ACTB: variants seen among roughly 807,000 people sequenced by gnomAD.
ACTB encodes actin, cytoplasmic 1.
Under a neutral mutation model 30.5 loss-of-function variants are expected in ACTB, and 2 were observed. The ratio of observed to expected loss-of-function variants is 0.07; its 90% CI spans 0.03 to 0.21. The LOEUF (loss-of-function observed/expected upper bound fraction) is 0.21, where lower values mean the gene tolerates loss of function less well. Ranked by LOEUF, ACTB falls within the 10% of genes least tolerant of loss-of-function variation. The probability of loss-of-function intolerance (pLI) is 1.00; values close to 1 mark genes in which losing one functional copy is unlikely to be tolerated. For synonymous variants in ACTB, 335 were observed against 217.6 expected, an observed-to-expected ratio of 1.54 and a Z score of -4.75; for missense variants, 56 against 530.0, an observed-to-expected ratio of 0.11 and a Z score of 8.78.
At chr7:5,528,919 G>C (rs1055849290) in intron 3 of ACTB, 200 bp from the exon 4 acceptor site, 12 of 1,469,614 alleles carry the variant, frequency 8.2e-6, no homozygotes, top group East Asian at 4.9e-5. Context: ...CTTGTCACAC[G>C]AGCCAGTGTT....
rs574197447 is a variant in ACTB, at chr7:5,529,755, G to A, written c.-6-92C>T. ...AGTCCTTAGGCCGCCAGGGGGCGCC[G>A]GCGCGCGCCCAGATTGGGGACAAAG... On this transcript the variant is annotated intron_variant, in intron 1 of 5. Coordinates refer to ENST00000646664, the MANE Select transcript of ACTB (RefSeq NM_001101.5). 22 of 1,583,306 alleles carry A rather than the reference G, an allele frequency of 1.4e-5. No individual in the cohort carries two copies. In the East Asian group the frequency reaches 4.1e-4, roughly 29 times the overall value.
chr7:5,530,365 G>A (rs1291971781), intron 1 of ACTB, among the ~76,000 whole-genome samples, 159 bp downstream of exon 1: 1 of 152,122 alleles, frequency 6.6e-6, no homozygotes, highest in African/African-American at 2.4e-5. Flanking sequence ...CCCATCTCCG[G>A]AGGCCCAGGG....
At chr7:5,529,863 C>G (rs916599413) in intron 1 of ACTB, 200 bp from the exon 2 acceptor site, 27 of 895,714 alleles carry the variant, frequency 3.0e-5, no homozygotes, top group South Asian at 3.0e-4. Context: ...GAAGCCAGGC[C>G]CCAACCCCCT....
chr7:5,529,631 G>A lies in ACTB; in HGVS notation c.27C>T (p.Val9=), dbSNP rs1240714871. The change falls in exon 2 of 6, where the codon GTC becomes GTT. Residue 9 remains valine (V), a synonymous_variant. Transcript: ENST00000646664. ...TGCACATGCCGGAGCCGTTGTCGACGACGAGCGCGGCGATATCATCATCCA... is the reference window on the plus strand; with the variant it reads ...TGCACATGCCGGAGCCGTTGTCGACAACGAGCGCGGCGATATCATCATCCA... MDDDIAAL[V]VDNGSGMCKA... is the part of the protein sequence containing the mutation. 3.7e-6 allele frequency: 6 copies of A among 1,611,380 alleles called. No individual in the cohort carries two copies. Among genetic ancestry groups the A allele is most frequent in the Non-Finnish European group, 4.2e-6 (5 of 1,179,732 alleles).
chr7:5,528,088 A>G lies in ACTB; in HGVS notation c.900T>C (p.Ser300=), dbSNP rs13447406. The change falls in exon 5 of 6, where the codon TCT becomes TCC. Residue 300 remains serine, a synonymous_variant. Transcript: ENST00000646664. ...TGCCAGGGTACATGGTGGTGCCGCC[A>G]GACAGCACTGTGTTGGCGTACAGGT... ...RKDLYANTVL[S]GGTTMYPGIA... is the part of the protein sequence containing the mutation. The G allele has an allele frequency of 6.2e-7, 1 of 1,614,254 alleles. No individual in the cohort carries two copies. The highest frequency in any genetic ancestry group is 8.5e-7 in the Non-Finnish European group (1 of 1,180,048).
Position 5,529,640 on chromosome 7 carries a change from G to A in ACTB, c.18C>T (p.Ala6=), listed in dbSNP as rs1188078226. The part of the protein sequence containing the change: MDDDI[A]ALVVDNGSGM... Reference sequence around the variant, plus strand: ...CGGAGCCGTTGTCGACGACGAGCGCGGCGATATCATCATCCATGGTGAGCT... The same window carrying A: ...CGGAGCCGTTGTCGACGACGAGCGCAGCGATATCATCATCCATGGTGAGCT... Residue 6 remains alanine, a synonymous_variant, in exon 2 of 6, where the codon GCC becomes GCT. Transcript: ENST00000646664. 6.2e-6 allele frequency: 10 copies of A among 1,611,368 alleles called. No individual in the cohort carries two copies. The highest frequency in any genetic ancestry group is 8.5e-6 in the Non-Finnish European group (10 of 1,179,722).
At chr7:5,530,233 C>A (rs985190787) in intron 1 of ACTB, among the ~76,000 whole-genome samples, 2 of 151,964 alleles carry the variant, frequency 1.3e-5, no homozygotes, top group Non-Finnish European at 2.9e-5. Context: ...ACCCTGCGAT[C>A]CCCATTGGCA....
At chr7:5,528,955 T>TA (rs1784822909) in intron 3 of ACTB, 2 of 1,542,730 alleles carry the variant, frequency 1.3e-6, no homozygotes, top group Non-Finnish European at 1.8e-6. Flanking sequence ...AACACTGTCT[T>TA]AGACACCTAG....
chr7:5,530,012 C>T (rs1784854296), intron 1 of ACTB: 1 of 164,270 alleles, frequency 6.1e-6, no homozygotes. Flanking sequence ...GCGGCGACCC[C>T]ACCCCTTCCG....
At position 5,529,940 on chromosome 7, in the gene ACTB, G is replaced by A. The variant is rs953325681; in HGVS notation, c.-6-277C>T. ...CGCCGGGTCGGCGCGCGCGCACGCA[G>A]CGGCCACACCCTCGGGCGGCCAGCG... On this transcript the variant is annotated intron_variant, in intron 1 of 5. Transcript: ENST00000646664. The A allele has an allele frequency of 2.3e-3, 802 of 355,970 alleles. 4 individuals are homozygous for A. The highest frequency in any genetic ancestry group is 2.9e-3 in the Non-Finnish European group (571 of 194,410). The allele number at this position is 355,970 out of a possible 1,614,324, so 22.1% of individuals were successfully genotyped here.
intron 1 of ACTB, 151 bp from the exon 2 acceptor site, chr7:5,529,814 G>T (rs551830507): frequency 7.7e-7 from 1 of 1,292,594 alleles, no homozygotes; most frequent in Non-Finnish European, 1.1e-6. Flanking sequence ...ACCATAAAAG[G>T]CAAACACTGG....
At position 5,527,436 on chromosome 7, in the gene ACTB, A is replaced by G; in HGVS notation, c.*312T>C. The G allele has an allele frequency of 2.1e-6, 1 of 471,058 alleles. No individual in the cohort carries two copies. The highest frequency in any genetic ancestry group is 4.3e-5 in the East Asian group (1 of 23,188). The allele number at this position is 471,058 out of a possible 1,614,324, so 29.2% of individuals were successfully genotyped here. On this transcript the variant is annotated 3_prime_UTR_variant, in exon 6 of 6. Coordinates refer to ENST00000646664, the MANE Select transcript of ACTB (RefSeq NM_001101.5). The stretch of plus-strand genomic sequence containing the variant: ...GAGGACTGGGCCATTCTCCTTAGAG[A>G]GAAGTGGGGTGGCTTTTAGGATGGC...
At chr7:5,530,194 C>T (rs1223940219) in intron 1 of ACTB, among the ~76,000 whole-genome samples, 1 of 152,012 alleles carries the variant, frequency 6.6e-6, no homozygotes, top group Non-Finnish European at 1.5e-5. Context: ...CCAGCCCCCA[C>T]CGGGCCTGGC....
intron 1 of ACTB, chr7:5,529,946 A>C: frequency 3.1e-6 from 1 of 318,788 alleles, no homozygotes; most frequent in Non-Finnish European, 5.8e-6. Flanking sequence ...CGCAGCGGCC[A>C]CACCCTCGGG....
intron 1 of ACTB, among the ~76,000 whole-genome samples, chr7:5,530,137 G>A (rs1484570484): frequency 4.6e-5 from 7 of 151,978 alleles, no homozygotes; most frequent in African/African-American, 1.4e-4. Context: ...TTCCCAGCGC[G>A]CACGCAGTTA....
At position 5,527,627 on chromosome 7, in the gene ACTB, A is replaced by G; in HGVS notation, c.*121T>C. 6.7e-7 allele frequency: 1 copy of G among 1,486,328 alleles called. No homozygotes were observed. Among genetic ancestry groups the G allele is most frequent in the Non-Finnish European group, 9.2e-7 (1 of 1,088,750 alleles). The allele number at this position is 1,486,328 out of a possible 1,614,324, so 92.1% of individuals were successfully genotyped here. A position where few individuals can be genotyped will look rare whatever the true frequency, so the allele number is the denominator to read the frequency against. The stretch of plus-strand genomic sequence containing the variant: ...TTTTTAAATCCTGAGTCAAGCCAAA[A>G]AAAAAAAAAAAACCAAAACAAAACA... On this transcript the variant is annotated 3_prime_UTR_variant, in exon 6 of 6. Transcript: ENST00000646664.
Position 5,527,740 on chromosome 7 carries a change from T to A in ACTB, c.*8A>T. 6.2e-7 allele frequency: 1 copy of A among 1,613,374 alleles called. No homozygotes were observed. The highest frequency in any genetic ancestry group is 8.5e-7 in the Non-Finnish European group (1 of 1,179,956). ...GAAAGGGTGTAACGCAACTAAGTCATAGTCCGCCTAGAAGCATTTGCGGTG... is the reference window on the plus strand; with the variant it reads ...GAAAGGGTGTAACGCAACTAAGTCAAAGTCCGCCTAGAAGCATTTGCGGTG... On this transcript the variant is annotated 3_prime_UTR_variant, in exon 6 of 6. Coordinates refer to ENST00000646664, the MANE Select transcript of ACTB (RefSeq NM_001101.5).
chr7:5,528,919 G>A (rs1055849290), intron 3 of ACTB, 200 bp from the exon 4 acceptor site: 165 of 1,469,496 alleles, frequency 1.1e-4, no homozygotes, highest in Admixed American at 5.8e-4. Flanking sequence ...CTTGTCACAC[G>A]AGCCAGTGTT....
rs1784813466 is a variant in ACTB, at chr7:5,528,511, T to G, written c.572A>C (p.Lys191Thr). Residue 191 changes from lysine to threonine, a missense_variant, in exon 4 of 6, where the codon AAG (lysine) becomes ACG (threonine). Physicochemically the swap from Lys to Thr is moderately conservative, Grantham distance 78 (BLOSUM62 -1). Around this residue, in one of 5 missense-constraint regions of ACTB, gnomAD observed 32 missense variants for 288.4 expected, o/e 0.11. Coordinates refer to ENST00000646664, the MANE Select transcript of ACTB (RefSeq NM_001101.5). ...AGRDLTDYLM[K>T]ILTERGYSFT... The stretch of plus-strand genomic sequence containing the variant: ...GCTGTAGCCGCGCTCGGTGAGGATC[T>G]TCATGAGGTAGTCAGTCAGGTCCCG... 6.2e-7 allele frequency: 1 copy of G among 1,613,888 alleles called. No individual in the cohort carries two copies. Among genetic ancestry groups the G allele is most frequent in the Admixed American group, 1.7e-5 (1 of 60,000 alleles).
Sources: allele counts gnomAD v4.1 joint callset (sites outside exome capture counted in the v4.1 genomes callset), GRCh38; gene constraint gnomAD v4.1.1; regional missense constraint gnomAD v4.1.1; transcripts MANE v1.5; gene names NCBI Gene and HGNC (gene_info 2026-07-23, HGNC 2026-07-21).